The following CRHR1 variants were observed in gnomAD, a reference collection of about 807,000 sequenced individuals.
CRHR1 encodes corticotropin-releasing hormone receptor 1.
Under a neutral mutation model 56.0 loss-of-function variants are expected in CRHR1, and 28 were observed. The observed-to-expected ratio is 0.50, with a 90% CI of 0.37 to 0.69. The LOEUF (loss-of-function observed/expected upper bound fraction) is 0.69, where lower values mean the gene tolerates loss of function less well. Among genes scored for constraint, CRHR1 ranks in the 30% least tolerant of loss-of-function variants. CRHR1 has a pLI of 0.00. For missense variants in CRHR1, 376 were observed against 548.0 expected (o/e 0.69, Z 3.13); for synonymous variants, 195 against 216.5 (o/e 0.90, Z 0.87).
At position 45,834,112 on chromosome 17, in the gene CRHR1, T is replaced by C. The variant is rs1342979002; in HGVS notation, c.1107+64T>C. 3.8e-6 allele frequency: 6 copies of C among 1,568,596 alleles called. No individual in the cohort carries two copies. In the East Asian group the frequency reaches 1.1e-4, roughly 29 times the overall value. The stretch of plus-strand genomic sequence containing the variant: ...TGAGGCCTGTTGGGACTGGCGATTG[T>C]CTAGAGCCTTCTCCTCCCCTCCCAG... On this transcript the variant is annotated intron_variant, in intron 12 of 12. Transcript: ENST00000314537.
chr17:45,831,784 C>T (rs974145655), intron 8 of CRHR1, among the ~76,000 whole-genome samples: 5 of 152,204 alleles, frequency 3.3e-5, no homozygotes, highest in Non-Finnish European at 7.3e-5. Context: ...ACAAGTGTTC[C>T]CGGGAACCTA....
intron 4 of CRHR1, 113 bp downstream of exon 4, chr17:45,821,553 C>T: frequency 9.8e-7 from 1 of 1,017,920 alleles, no homozygotes; most frequent in Non-Finnish European, 1.5e-6. Flanking sequence ...CAAGGCCCTG[C>T]TCTAGTGAAG....
chr17:45,829,821 G>T (rs768365987), intron 5 of CRHR1, among the ~76,000 whole-genome samples: 1 of 151,992 alleles, frequency 6.6e-6, no homozygotes, highest in Admixed American at 6.6e-5. Context: ...AGCGGGCATC[G>T]CCAGGAATCC....
At position 45,830,708 on chromosome 17, in the gene CRHR1, C is replaced by G. The variant is rs1051234828; in HGVS notation, c.709+138C>G. The stretch of plus-strand genomic sequence containing the variant: ...GCGGTAAGGTGTGCACGATAGCCCT[C>G]TGCTCCTCTTGGGGGTGGGCGGCAG... On this transcript the variant is annotated intron_variant, in intron 7 of 12. Transcript: ENST00000314537. 4.8e-6 allele frequency: 6 copies of G among 1,247,576 alleles called. No homozygotes were observed. The African/African-American group carries it at 7.5e-5, about 16-fold the overall frequency. The allele number at this position is 1,247,576 out of a possible 1,614,324, so 77.3% of individuals were successfully genotyped here.
intron 3 of CRHR1, among the ~76,000 whole-genome samples, chr17:45,820,746 G>T (rs1251378547): frequency 6.6e-6 from 1 of 152,068 alleles, no homozygotes; most frequent in Non-Finnish European, 1.5e-5. Context: ...ACACAGGCCC[G>T]CTATGGGGAA....
chr17:45,830,405 G>C lies in CRHR1; in HGVS notation c.556-12G>C. The C allele has an allele frequency of 6.3e-7, 1 of 1,599,414 alleles. No individual in the cohort carries two copies. The highest frequency in any genetic ancestry group is 8.5e-7 in the Non-Finnish European group (1 of 1,171,544). On this transcript the variant is annotated splice_polypyrimidine_tract_variant and intron_variant, in intron 6 of 12. Coordinates refer to ENST00000314537, the MANE Select transcript of CRHR1 (RefSeq NM_004382.5). ...CCCCCATCATCATCTCTGGTTGGGGGTGGGGTGGCAGGGCTGGTGCAGGTT... is the reference window on the plus strand; with the variant it reads ...CCCCCATCATCATCTCTGGTTGGGGCTGGGGTGGCAGGGCTGGTGCAGGTT...
chr17:45,821,311 G>A (rs2062035884), intron 3 of CRHR1, 44 bp from the exon 4 acceptor site: 13 of 1,573,622 alleles, frequency 8.3e-6, no homozygotes, highest in Admixed American at 1.7e-5. Flanking sequence ...TCAGGCAGGG[G>A]CCGGGGCTGC....
At chr17:45,810,200 G>A (rs1206713957) in intron 2 of CRHR1, among the ~76,000 whole-genome samples, 3 of 152,112 alleles carry the variant, frequency 2.0e-5, no homozygotes, top group African/African-American at 7.2e-5. Context: ...CATGAGAATC[G>A]CTTGAGCCTC....
In CRHR1 at chr17:45,829,237, A is replaced by T. The variant is rs766888373; in HGVS notation, c.350A>T (p.His117Leu). Residue 117 changes from histidine (H) to leucine (L), a missense_variant, in exon 5 of 13, where the codon CAT becomes CTT. By Grantham distance (99) the His-to-Leu change is moderately conservative. This residue lies in a region of CRHR1 where 369 missense variants were observed against 519.5 expected (regional missense o/e 0.71). Transcript: ENST00000314537. ...NEEKKSKVHY[H>L]VAVIINYLGH... ...CAGAAAAAAAGCAAGGTGCACTACC[A>T]TGTCGCAGTCATCATCAACTACCTG... 6.2e-7 allele frequency: 1 copy of T among 1,614,042 alleles called. No individual in the cohort carries two copies.
chr17:45,824,127 G>A (rs1169352057), intron 4 of CRHR1, among the ~76,000 whole-genome samples: 1 of 152,220 alleles, frequency 6.6e-6, no homozygotes, highest in Non-Finnish European at 1.5e-5. Flanking sequence ...ACTTAGTTGG[G>A]CCAGAGGAGA....
Position 45,823,191 on chromosome 17 carries a change from G to C in CRHR1, c.327+1751G>C, listed in dbSNP as rs1243373599. On this transcript the variant is annotated intron_variant, in intron 4 of 12. Coordinates refer to ENST00000314537, the MANE Select transcript of CRHR1 (RefSeq NM_004382.5). ...CTCCCAGAGCACTTGTCCAAATACA[G>C]GTCCCAGGGCCACACCCAACACCTA... Among the ~76,000 whole-genome samples the C allele has an allele frequency of 2.6e-5, 4 of 151,284 alleles. No individual in the cohort carries two copies. In the East Asian group the frequency reaches 5.9e-4, roughly 22 times the overall value.
chr17:45,803,639 G>A (rs956184868), intron 1 of CRHR1, among the ~76,000 whole-genome samples: 4 of 152,196 alleles, frequency 2.6e-5, no homozygotes, highest in African/African-American at 9.6e-5. Flanking sequence ...GCCTGCCTTG[G>A]CCTCCCAAAG....
chr17:45,825,616 G>A (rs1347860189), intron 4 of CRHR1: 5 of 154,468 alleles, frequency 3.2e-5, no homozygotes, highest in Non-Finnish European at 7.3e-5. Context: ...GTTGGACCAG[G>A]GCTTCTGAAC....
At chr17:45,803,759 T>TGC (rs1256512365) in intron 1 of CRHR1, among the ~76,000 whole-genome samples, 3 of 125,714 alleles carry the variant, frequency 2.4e-5, no homozygotes, top group Non-Finnish European at 3.8e-5. Context: ...AGAGAGTGCG[T>TGC]GTGTGTGTGT....
intron 4 of CRHR1, among the ~76,000 whole-genome samples, chr17:45,822,450 G>C (rs555023344): frequency 6.6e-6 from 1 of 152,240 alleles, no homozygotes; most frequent in Non-Finnish European, 1.5e-5. Flanking sequence ...AGGGCAGAAG[G>C]GGGGACACCC....
Position 45,834,677 on chromosome 17 carries a change from C to T in CRHR1, c.1161C>T (p.Ile387=), listed in dbSNP as rs1432189941. 4 of 1,613,510 alleles carry T rather than the reference C, an allele frequency of 2.5e-6. No homozygotes were observed. In the African/African-American group the frequency reaches 4.0e-5, roughly 16 times the overall value. The change falls in exon 13 of 13, where the codon ATC becomes ATT. Residue 387 remains isoleucine (I), a synonymous_variant. Coordinates refer to ENST00000314537, the MANE Select transcript of CRHR1 (RefSeq NM_004382.5). ...RWHRWQDKHS[I]RARVARAMSI... ...ACCGGTGGCAGGACAAGCACTCGAT[C>T]CGTGCCCGAGTGGCCCGTGCCATGT...
intron 8 of CRHR1, 100 bp from the exon 9 acceptor site, chr17:45,833,038 C>T (rs2062350306): frequency 6.7e-6 from 7 of 1,050,820 alleles, no homozygotes; most frequent in South Asian, 1.3e-5. Context: ...TACCTCTTGG[C>T]CTCCAGCCCC....
intron 1 of CRHR1, among the ~76,000 whole-genome samples, chr17:45,788,684 A>G (rs1284333344): frequency 6.6e-6 from 1 of 152,264 alleles, no homozygotes; most frequent in African/African-American, 2.4e-5. Context: ...CTCAGCAGAT[A>G]TAAGTTAATG....
intron 5 of CRHR1, 32 bp from the exon 6 acceptor site, chr17:45,830,062 G>A (rs747805972): frequency 1.1e-5 from 17 of 1,613,140 alleles, no homozygotes; most frequent in East Asian, 6.7e-5. Context: ...CTCTCCTATC[G>A]CTCCCATCAT....
Sources: gnomAD v4.1 joint callset for allele counts (sites outside exome capture counted in the v4.1 genomes callset) on GRCh38, gnomAD v4.1.1 for gene constraint, gnomAD v4.1.1 regional missense constraint, MANE v1.5 for transcripts, NCBI Gene and HGNC (gene_info 2026-07-23, HGNC 2026-07-21) for gene names.